The following SLC25A4 variants were observed in gnomAD, a reference collection of about 807,000 sequenced individuals.
SLC25A4 encodes ADP/ATP translocase 1.
Under a neutral mutation model 24.7 loss-of-function variants are expected in SLC25A4, and 10 were observed. The observed-to-expected ratio is 0.41, with a 90% confidence interval of 0.25 to 0.69. SLC25A4 has a LOEUF of 0.69. Among genes scored for constraint, SLC25A4 ranks in the 30% least tolerant of loss-of-function variants. The probability of loss-of-function intolerance (pLI) is 0.35; values close to 1 mark genes in which losing one functional copy is unlikely to be tolerated. For missense variants in SLC25A4, 273 were observed against 387.6 expected, an observed-to-expected ratio of 0.70 and a Z score of 2.48; for synonymous variants, 125 against 153.3, an observed-to-expected ratio of 0.82 and a Z score of 1.36.
rs1734374959 is a variant in SLC25A4 at position 185,143,266 on chromosome 4, G to T, written c.-107G>T. The stretch of plus-strand genomic sequence containing the variant: ...AAGGGGGAGCTGCGGGCCAGGCGGC[G>T]GCCCCCTAGCGTCGCGCAGGGTCGG... On this transcript the variant is annotated 5_prime_UTR_variant, in exon 1 of 4. Transcript: ENST00000281456. 5.1e-6 allele frequency: 3 copies of T among 584,120 alleles called. No homozygotes were observed. The highest frequency in any genetic ancestry group is 6.2e-6 in the Non-Finnish European group (2 of 324,874). The allele number at this position is 584,120 out of a possible 1,614,324, so 36.2% of individuals were successfully genotyped here.
chr4:185,150,051 TA>T lies in SLC25A4; in HGVS notation c.*3083del, dbSNP rs1234482059. On this transcript the variant is annotated 3_prime_UTR_variant, in exon 4 of 4. Coordinates refer to ENST00000281456, the MANE Select transcript of SLC25A4 (RefSeq NM_001151.4). ...TCCTTTGTGTTGAGGCGGCATTTAC[TA>T]AACACCCCCAAGGTGCAAGGCTGCA... The T allele has an allele frequency of 6.6e-6, 1 of 152,266 alleles. No homozygotes were observed. Among genetic ancestry groups the T allele is most frequent in the Non-Finnish European group, 1.5e-5 (1 of 68,046 alleles). The allele number at this position is 152,266 out of a possible 1,614,324, so 9.4% of individuals were successfully genotyped here.
intron 1 of SLC25A4, 105 bp from the exon 2 acceptor site, chr4:185,144,659 T>C (rs575364998): frequency 1.9e-6 from 2 of 1,068,606 alleles, no homozygotes; most frequent in South Asian, 1.4e-5. Flanking sequence ...ATCCTTTTTT[T>C]CTTCAAAAAA....
intron 1 of SLC25A4, 78 bp from the exon 2 acceptor site, chr4:185,144,686 A>G: frequency 6.9e-7 from 1 of 1,441,394 alleles, no homozygotes; most frequent in Non-Finnish European, 9.5e-7. Context: ...TAGGAAGTGC[A>G]AACCTTTTTT....
intron 1 of SLC25A4, among the ~76,000 whole-genome samples, chr4:185,143,885 C>T (rs946942728): frequency 5.3e-5 from 8 of 152,186 alleles, no homozygotes; most frequent in African/African-American, 1.9e-4. Flanking sequence ...AATCATCACC[C>T]AAGAATTCCC....
rs1734465038 is a variant in SLC25A4, at chr4:185,147,605, T to C, written c.*634T>C. The C allele has an allele frequency of 6.5e-6, 1 of 152,854 alleles. No homozygotes were observed. Among genetic ancestry groups the C allele is most frequent in the Non-Finnish European group, 1.5e-5 (1 of 68,560 alleles). 9.5% of individuals were successfully genotyped at this position (152,854 alleles called of 1,614,324 possible). On this transcript the variant is annotated 3_prime_UTR_variant, in exon 4 of 4. Transcript: ENST00000281456. ...TTTTAAATCACAATCTGGAGAATTT[T>C]CTATGATTAGGAAGTGCTCTGTTTT...
Position 185,146,898 on chromosome 4 carries a change from G to C in SLC25A4, c.824G>C (p.Trp275Ser). 6.2e-7 allele frequency: 1 copy of C among 1,614,166 alleles called. No individual in the cohort carries two copies. The highest frequency in any genetic ancestry group is 8.5e-7 in the Non-Finnish European group (1 of 1,180,020). The change falls in exon 4 of 4, where the codon TGG (tryptophan) becomes TCG (serine). Residue 275 changes from tryptophan (W) to serine (S), a missense_variant. Physicochemically the swap from Trp to Ser is radical, Grantham distance 177. Coordinates refer to ENST00000281456, the MANE Select transcript of SLC25A4 (RefSeq NM_001151.4). ...EGAKAFFKGA[W>S]SNVLRGMGGA... is the part of the protein sequence containing the mutation. ...GCCAAGGCCTTCTTCAAAGGTGCCT[G>C]GTCCAATGTGCTGAGAGGCATGGGC... is the stretch of plus-strand genomic sequence containing the variant.
At position 185,149,959 on chromosome 4, in the gene SLC25A4, TTG is replaced by T. The variant is rs1387888205; in HGVS notation, c.*2992_*2993del. On this transcript the variant is annotated 3_prime_UTR_variant, in exon 4 of 4. Coordinates refer to ENST00000281456, the MANE Select transcript of SLC25A4 (RefSeq NM_001151.4). ...AACAATGAAAACTTGTCTCAAGTAT[TTG>T]TGTTGAAATCTCAATTAACTGGGCG... 1.3e-5 allele frequency: 2 copies of T among 152,248 alleles called. No homozygotes were observed. The highest frequency in any genetic ancestry group is 2.9e-5 in the Non-Finnish European group (2 of 68,050). 9.4% of individuals were successfully genotyped at this position (152,248 alleles called of 1,614,324 possible).
intron 1 of SLC25A4, 100 bp from the exon 2 acceptor site, chr4:185,144,663 CA>C (rs111595982): frequency 3.2e-3 from 3,249 of 1,007,978 alleles, no homozygotes; most frequent in Non-Finnish European, 3.8e-3. Flanking sequence ...TTTTTTTCTT[CA>C]AAAAAAAAAT....
At position 185,143,602 on chromosome 4, in the gene SLC25A4, C is replaced by G. The variant is rs879317025; in HGVS notation, c.111+119C>G. On this transcript the variant is annotated intron_variant, in intron 1 of 3. Transcript: ENST00000281456. ...GAAAATCTGCGCCAGGCCACAGGCC[C>G]GGGCGCCCGCCCGCCCGCCCGCCCG... 12,304 of 151,566 alleles carry G rather than the reference C, an allele frequency of 0.081. 628 individuals carry two copies. The highest frequency in any genetic ancestry group is 0.16 in the African/African-American group (5,758 of 36,604). 9.4% of individuals were successfully genotyped at this position (151,566 alleles called of 1,614,324 possible).
rs1734453609 is a variant in SLC25A4 at position 185,146,989 on chromosome 4, T to C, written c.*18T>C. ...ATGTCTAATGTAATTAAAACACAAG[T>C]TCACAGATTTACAGTGAACTTGATC... On this transcript the variant is annotated 3_prime_UTR_variant, in exon 4 of 4. Coordinates refer to ENST00000281456, the MANE Select transcript of SLC25A4 (RefSeq NM_001151.4). 6.2e-7 allele frequency: 1 copy of C among 1,609,054 alleles called. No individual in the cohort carries two copies. Among genetic ancestry groups the C allele is most frequent in the African/African-American group, 1.3e-5 (1 of 74,834 alleles).
intron 3 of SLC25A4, 151 bp downstream of exon 3, chr4:185,146,050 C>T (rs541291759): frequency 1.3e-5 from 12 of 901,620 alleles, no homozygotes; most frequent in African/African-American, 3.3e-5. Context: ...TTCCCCCTAA[C>T]GTTCTCAACT....
chr4:185,145,270 GAGA>G lies in SLC25A4; in HGVS notation c.598+23_598+25del, dbSNP rs1192245396. ...CCAAGGGTGAGAGAGGGGCATCGGGGAGAAGGAGGGTGGTGTGGAAAGAGGATC... is the reference window on the plus strand; with the variant it reads ...CCAAGGGTGAGAGAGGGGCATCGGGGAGGAGGGTGGTGTGGAAAGAGGATC... On this transcript the variant is annotated intron_variant, in intron 2 of 3. Transcript: ENST00000281456. The surrounding 1 kb of genome is among the most constrained non-coding windows in gnomAD (Gnocchi z 5.5). The G allele has an allele frequency of 5.0e-6, 8 of 1,613,570 alleles. No homozygotes were observed. In the African/African-American group the frequency reaches 6.7e-5, roughly 13 times the overall value.
Position 185,145,373 on chromosome 4 carries a change from C to A in SLC25A4, c.598+123C>A, listed in dbSNP as rs538005531. 1.4e-6 allele frequency: 2 copies of A among 1,456,320 alleles called. No individual in the cohort carries two copies. Among genetic ancestry groups the A allele is most frequent in the East Asian group, 2.3e-5 (1 of 43,984 alleles). The allele number at this position is 1,456,320 out of a possible 1,614,324, so 90.2% of individuals were successfully genotyped here. ...TTTCTAGTCTCTGGGATAATTGAGG[C>A]TTCTGAATGAGGAGGTGATGTGCAT... On this transcript the variant is annotated intron_variant, in intron 2 of 3. Coordinates refer to ENST00000281456, the MANE Select transcript of SLC25A4 (RefSeq NM_001151.4). The surrounding 1 kb of genome is among the most constrained non-coding windows in gnomAD (Gnocchi z 5.5).
In SLC25A4 at chr4:185,148,472, TGTTAGACAA is replaced by T. The variant is rs1454764688; in HGVS notation, c.*1502_*1510del. The T allele has an allele frequency of 2.6e-5, 4 of 152,144 alleles. No homozygotes were observed. Among genetic ancestry groups the T allele is most frequent in the African/African-American group, 9.7e-5 (4 of 41,400 alleles). 9.4% of individuals were successfully genotyped at this position (152,144 alleles called of 1,614,324 possible). On this transcript the variant is annotated 3_prime_UTR_variant, in exon 4 of 4. Coordinates refer to ENST00000281456, the MANE Select transcript of SLC25A4 (RefSeq NM_001151.4). The stretch of plus-strand genomic sequence containing the variant: ...TTGGGGAGAAAAGGTGAAATTCCAT[TGTTAGACAA>T]TTTGTTTAAGACAATACATCTTGCT...
In SLC25A4 at chr4:185,149,935, A is replaced by T. The variant is rs1202575404; in HGVS notation, c.*2964A>T. On this transcript the variant is annotated 3_prime_UTR_variant, in exon 4 of 4. Coordinates refer to ENST00000281456, the MANE Select transcript of SLC25A4 (RefSeq NM_001151.4). ...TAATGGTAATAATTGGACACTAAAAACAATGAAAACTTGTCTCAAGTATTT... is the reference window on the plus strand; with the variant it reads ...TAATGGTAATAATTGGACACTAAAATCAATGAAAACTTGTCTCAAGTATTT... 2 of 152,366 alleles carry T rather than the reference A, an allele frequency of 1.3e-5. No homozygotes were observed. Among genetic ancestry groups the T allele is most frequent in the East Asian group, 3.9e-4 (2 of 5,190 alleles). The allele number at this position is 152,366 out of a possible 1,614,324, so 9.4% of individuals were successfully genotyped here.
rs1734428831 is a variant in SLC25A4 at position 185,145,651 on chromosome 4, G to A, written c.599-108G>A. 32 of 1,411,904 alleles carry A rather than the reference G, an allele frequency of 2.3e-5. No homozygotes were observed. The East Asian group carries it at 6.0e-4, about 27-fold the overall frequency. 87.5% of individuals were successfully genotyped at this position (1,411,904 alleles called of 1,614,324 possible). ...GCACCTGCACAGGGGCAGGTTCCCC[G>A]CAAGGTCAGAGCATGGAGCTGGAGG... On this transcript the variant is annotated intron_variant, in intron 2 of 3. Coordinates refer to ENST00000281456, the MANE Select transcript of SLC25A4 (RefSeq NM_001151.4). This position sits in a 1 kb window ranked among gnomAD's most constrained non-coding sequence, Gnocchi z 5.5.
Position 185,144,983 on chromosome 4 carries a change from C to T in SLC25A4, c.331C>T (p.Arg111Cys), listed in dbSNP as rs375543860. The T allele has an allele frequency of 6.2e-7, 1 of 1,613,206 alleles. No individual in the cohort carries two copies. Among genetic ancestry groups the T allele is most frequent in the Non-Finnish European group, 8.5e-7 (1 of 1,179,704 alleles). The change falls in exon 2 of 4, where the codon CGC becomes TGC. Residue 111 changes from arginine to cysteine, a missense_variant. Coordinates refer to ENST00000281456, the MANE Select transcript of SLC25A4 (RefSeq NM_001151.4). ...GGVDRHKQFW[R>C]YFAGNLASGG... is the part of the protein sequence containing the mutation. The stretch of plus-strand genomic sequence containing the variant: ...TGTGGATCGGCATAAGCAGTTCTGG[C>T]GCTACTTTGCTGGTAACCTGGCGTC...
intron 3 of SLC25A4, among the ~76,000 whole-genome samples, chr4:185,146,116 G>A (rs765926963): frequency 1.3e-5 from 2 of 152,130 alleles, no homozygotes; most frequent in Non-Finnish European, 2.9e-5. Flanking sequence ...AACATGAATA[G>A]TAAGACATTT....
Position 185,145,141 on chromosome 4 carries a change from G to T in SLC25A4, c.489G>T (p.Lys163Asn). 2 of 1,613,036 alleles carry T rather than the reference G, an allele frequency of 1.2e-6. No homozygotes were observed. Among genetic ancestry groups the T allele is most frequent in the East Asian group, 4.5e-5 (2 of 44,870 alleles). The change falls in exon 2 of 4, where the codon AAG becomes AAT. Residue 163 changes from lysine to asparagine, a missense_variant. By Grantham distance (94) the Lys-to-Asn change is moderately conservative. Coordinates refer to ENST00000281456, the MANE Select transcript of SLC25A4 (RefSeq NM_001151.4). The surrounding 1 kb of genome is among the most constrained non-coding windows in gnomAD (Gnocchi z 5.5). ...EFHGLGDCII[K>N]IFKSDGLRGL... ...ATGGTCTGGGCGACTGTATCATCAA[G>T]ATCTTCAAGTCTGATGGCCTGAGGG...
Sources: gnomAD v4.1 joint callset for allele counts (sites outside exome capture counted in the v4.1 genomes callset) on GRCh38, gnomAD v4.1.1 for gene constraint, Gnocchi (gnomAD v3.1) non-coding constraint, MANE v1.5 for transcripts, NCBI Gene and HGNC (gene_info 2026-07-23, HGNC 2026-07-21) for gene names.